Variants in SCUBE2 observed in about 807,000 individuals in gnomAD.
The protein encoded by SCUBE2 is signal peptide, CUB and EGF-like domain-containing protein 2.
SCUBE2 carries 114 observed loss-of-function variants against 125.9 expected under a neutral mutation model. The ratio of observed to expected loss-of-function variants is 0.91; its 90% confidence interval spans 0.78 to 1.06. The LOEUF (loss-of-function observed/expected upper bound fraction) is 1.06, where lower values mean the gene tolerates loss of function less well. Among genes scored for constraint, SCUBE2 ranks in the 50% least tolerant of loss-of-function variants. SCUBE2 has a pLI of 0.00. For synonymous variants in SCUBE2, 459 were observed against 492.9 expected, an observed-to-expected ratio of 0.93 and a Z score of 0.91; for missense variants, 1,255 against 1,301.8, an observed-to-expected ratio of 0.96 and a Z score of 0.55.
At chr11:9,062,554 T>C (rs7130913) in intron 7 of SCUBE2, among the ~76,000 whole-genome samples, 88,366 of 151,988 alleles carry the variant, frequency 0.58, 26,607 homozygotes, top group African/African-American at 0.74. Flanking sequence ...GGAATGAATA[T>C]ACCAGATCAA....
chr11:9,069,306 C>T, intron 5 of SCUBE2, 64 bp downstream of exon 5: 1 of 1,597,140 alleles, frequency 6.3e-7, no homozygotes, highest in South Asian at 1.1e-5. Flanking sequence ...CTGAGCTGGG[C>T]CACAGAAGGC....
chr11:9,049,210 A>G (rs1462862389), intron 14 of SCUBE2, among the ~76,000 whole-genome samples: 1 of 152,236 alleles, frequency 6.6e-6, no homozygotes, highest in African/African-American at 2.4e-5. Context: ...AATCCCATTA[A>G]GTAAACTATA....
chr11:9,037,791 T>G (rs1856860496), intron 16 of SCUBE2, among the ~76,000 whole-genome samples: 1 of 152,234 alleles, frequency 6.6e-6, no homozygotes, highest in Non-Finnish European at 1.5e-5. Flanking sequence ...TCAGGTTTGC[T>G]CTTTAAAAAC....
intron 21 of SCUBE2, among the ~76,000 whole-genome samples, chr11:9,023,984 A>G (rs1040311345): frequency 6.6e-6 from 1 of 151,304 alleles, no homozygotes; most frequent in African/African-American, 2.4e-5. Context: ...AAGATATCAA[A>G]CTTTTTGGAA....
intron 7 of SCUBE2, chr11:9,064,715 A>T (rs1860037849): frequency 6.6e-6 from 1 of 152,170 alleles, no homozygotes; most frequent in Non-Finnish European, 1.5e-5. Context: ...AGACAATGAA[A>T]ATTTATAATT....
chr11:9,087,740 G>A (rs2647528), intron 2 of SCUBE2, among the ~76,000 whole-genome samples: 27,735 of 152,122 alleles, frequency 0.18, 2,567 homozygotes, highest in South Asian at 0.28. Context: ...CATATTTGCT[G>A]TCTATATTTT....
At chr11:9,049,477 C>T (rs943751780) in intron 14 of SCUBE2, among the ~76,000 whole-genome samples, 2 of 152,038 alleles carry the variant, frequency 1.3e-5, no homozygotes, top group African/African-American at 4.8e-5. Context: ...AACTCCTGAA[C>T]TCAAGCAATC....
chr11:9,090,609 T>C (rs1365431659), intron 1 of SCUBE2, among the ~76,000 whole-genome samples: 1 of 151,862 alleles, frequency 6.6e-6, no homozygotes, highest in Non-Finnish European at 1.5e-5. Context: ...GTTTAGAGTA[T>C]TTATGGGAAG....
At chr11:9,076,497 G>A (rs968404698) in intron 3 of SCUBE2, among the ~76,000 whole-genome samples, 2 of 151,798 alleles carry the variant, frequency 1.3e-5, no homozygotes, top group African/African-American at 2.4e-5. Context: ...TACAGCAGGC[G>A]CTCATTAACT....
At chr11:9,030,240 A>G in intron 18 of SCUBE2, 195 bp from the exon 19 acceptor site, 1 of 613,682 alleles carries the variant, frequency 1.6e-6, no homozygotes, top group Non-Finnish European at 2.8e-6. Context: ...ATAGAGAAAT[A>G]TAGAGGAACA....
intron 16 of SCUBE2, among the ~76,000 whole-genome samples, chr11:9,037,356 A>G (rs1188866109): frequency 6.6e-6 from 1 of 152,260 alleles, no homozygotes; most frequent in African/African-American, 2.4e-5. Context: ...AAGATACGAG[A>G]AAGCTTTTCT....
intron 11 of SCUBE2, 49 bp from the exon 12 acceptor site, chr11:9,053,264 G>A: frequency 1.3e-6 from 2 of 1,504,140 alleles, no homozygotes. Flanking sequence ...ACATTTCCAA[G>A]TGTGACAAGG....
At chr11:9,051,788 C>T (rs1229674554) in intron 13 of SCUBE2, among the ~76,000 whole-genome samples, 9 of 152,204 alleles carry the variant, frequency 5.9e-5, no homozygotes, top group African/African-American at 1.2e-4. Context: ...TTGCCTGGTA[C>T]GTAGTAATAA....
chr11:9,090,835 C>T (rs1862625609), intron 1 of SCUBE2, among the ~76,000 whole-genome samples: 1 of 152,238 alleles, frequency 6.6e-6, no homozygotes, highest in Non-Finnish European at 1.5e-5. Context: ...GTAAGCACAG[C>T]ACGTCCAGAG....
At chr11:9,072,089 G>A (rs780186392) in intron 4 of SCUBE2, among the ~76,000 whole-genome samples, 46 of 152,262 alleles carry the variant, frequency 3.0e-4, no homozygotes, top group South Asian at 1.5e-3. Flanking sequence ...CTATATTAAA[G>A]AACATTTGGT....
chr11:9,079,587 T>C (rs1861471759), intron 2 of SCUBE2, 78 bp from the exon 3 acceptor site: 1 of 1,454,018 alleles, frequency 6.9e-7, no homozygotes, highest in East Asian at 2.3e-5. Context: ...CTCCAGCCAT[T>C]CCACTTCTAG....
chr11:9,047,275 G>C, intron 16 of SCUBE2, 81 bp downstream of exon 16: 1 of 1,428,014 alleles, frequency 7.0e-7, no homozygotes, highest in Non-Finnish European at 9.8e-7. Flanking sequence ...AGGGAGGATG[G>C]GCCAGACTTG....
In SCUBE2 at chr11:9,091,463, C is replaced by A; in HGVS notation, c.66G>T (p.Leu22=). The A allele has an allele frequency of 2.5e-6, 1 of 394,070 alleles. No individual in the cohort carries two copies. The highest frequency in any genetic ancestry group is 3.1e-6 in the Non-Finnish European group (1 of 326,706). 24.4% of individuals were successfully genotyped at this position (394,070 alleles called of 1,614,324 possible). Residue 22 remains leucine (L), a synonymous_variant, in exon 1 of 23, where the codon CTG becomes CTT. Transcript: ENST00000649792. The surrounding 1 kb of genome is among the most constrained non-coding windows in gnomAD (Gnocchi z 8.5). The part of the protein sequence containing the change: ...AWAVLLLLLL[L]PPLLLLAGAV... Reference sequence around the variant, plus strand: ...CCCCCGCCAGCAGCAGCAGTGGCGGCAGCAGCAGCAGCAGCAGCAGCACCG... The same window carrying A: ...CCCCCGCCAGCAGCAGCAGTGGCGGAAGCAGCAGCAGCAGCAGCAGCACCG...
chr11:9,046,750 A>G (rs117631065), intron 16 of SCUBE2, among the ~76,000 whole-genome samples: 2,982 of 152,308 alleles, frequency 0.02, 43 homozygotes, highest in Non-Finnish European at 0.032. Context: ...TGGAATGAAA[A>G]TCAAGACTAT....
Sources: allele counts gnomAD v4.1 joint callset (sites outside exome capture counted in the v4.1 genomes callset), GRCh38; gene constraint gnomAD v4.1.1; non-coding constraint Gnocchi (gnomAD v3.1); transcripts MANE v1.5; gene names NCBI Gene and HGNC (gene_info 2026-07-23, HGNC 2026-07-21).